Variants in RPS6KA2 observed in about 807,000 individuals in gnomAD.
RPS6KA2 encodes ribosomal protein S6 kinase A2.
RPS6KA2 carries 42 observed loss-of-function variants against 91.8 expected under a neutral mutation model. The observed-to-expected ratio is 0.46, with a 90% CI of 0.36 to 0.59. RPS6KA2 has a LOEUF of 0.59. Ranked by LOEUF, RPS6KA2 falls within the 20% of genes least tolerant of loss-of-function variation. The pLI is 0.00. For missense variants in RPS6KA2, 798 were observed against 978.5 expected (o/e 0.82, Z 2.46); for synonymous variants, 414 against 393.6 (o/e 1.05, Z -0.61).
chr6:166,673,780 G>A (rs527534897), intron 2 of RPS6KA2, among the ~76,000 whole-genome samples: 2 of 152,274 alleles, frequency 1.3e-5, no homozygotes, highest in African/African-American at 4.8e-5. Flanking sequence ...TTTTATGTGT[G>A]GCCCAGAGAA....
intron 1 of RPS6KA2, among the ~76,000 whole-genome samples, chr6:166,568,621 GAAAAAAAAAAAAAAAAAAAAAAAAA>G (rs60613942): frequency 2.4e-4 from 11 of 45,552 alleles, no homozygotes; most frequent in East Asian, 2.4e-3. Flanking sequence ...CTCCATCTCA[GAAAAAAAAAAAAAAAAAAAAAAAAA>G]AAAAAAAAAA....
Position 166,412,755 on chromosome 6 carries a change from C to T in RPS6KA2, c.*7G>A, listed in dbSNP as rs1253977717. ...GGCAGGGGACGCTGGGGCCAGGGTC[C>T]CACCCGCTACAGCCGCGTGGACGTG... On this transcript the variant is annotated 3_prime_UTR_variant, in exon 21 of 21. Coordinates refer to ENST00000265678, the MANE Select transcript of RPS6KA2 (RefSeq NM_021135.6). The surrounding 1 kb of genome is among the most constrained non-coding windows in gnomAD (Gnocchi z 4.3). 3 of 1,590,564 alleles carry T rather than the reference C, an allele frequency of 1.9e-6. No individual in the cohort carries two copies. The South Asian group carries it at 3.4e-5, about 18-fold the overall frequency.
chr6:166,631,176 A>C (rs1352424576), upstream of RPS6KA2, among the ~76,000 whole-genome samples: 2 of 152,252 alleles, frequency 1.3e-5, no homozygotes, highest in Admixed American at 6.5e-5. Context: ...AGAAAGTCTT[A>C]ATGCGTAAAA....
In RPS6KA2 at chr6:166,554,858, G is replaced by A. The variant is rs1022337474; in HGVS notation, c.100-16074C>T. The stretch of plus-strand genomic sequence containing the variant: ...GTCAGAAATACAGAGATTGCCCACC[G>A]CATGAAAAATGTCTCCAGTTTTACA... On this transcript the variant is annotated intron_variant, in intron 1 of 20. Transcript: ENST00000265678. This position sits in a 1 kb window ranked among gnomAD's most constrained non-coding sequence, Gnocchi z 4.3. Among the ~76,000 whole-genome samples, 2 of 152,138 alleles carry A rather than the reference G, an allele frequency of 1.3e-5. No individual in the cohort carries two copies. The highest frequency in any genetic ancestry group is 2.4e-5 in the African/African-American group (1 of 41,436).
rs1350880636 is a variant in RPS6KA2 at position 166,626,952 on chromosome 6, C to T, written c.68G>A (p.Arg23His). The change falls in exon 1 of 21, where the codon CGC (arginine) becomes CAC (histidine). Residue 23 changes from arginine (R) to histidine (H), a missense_variant. Physicochemically the swap from Arg to His is conservative, Grantham distance 29. Coordinates refer to ENST00000265678, the MANE Select transcript of RPS6KA2 (RefSeq NM_021135.6). This position sits in a 1 kb window ranked among gnomAD's most constrained non-coding sequence, Gnocchi z 4.1. The stretch of plus-strand genomic sequence containing the variant: ...CCGGCTCAGGCTGGAGCTCTTGGAG[C>T]GCGACTTCCTGCGCAGGTACACAGA... Reference protein sequence around the residue: ...FFSVYLRRKSRSKSSSLSRLE... With the variant: ...FFSVYLRRKSHSKSSSLSRLE... The T allele has an allele frequency of 1.8e-5, 28 of 1,562,476 alleles. No individual in the cohort carries two copies. Among genetic ancestry groups the T allele is most frequent in the Non-Finnish European group, 2.3e-5 (27 of 1,153,834 alleles).
chr6:166,802,240 A>G (rs554909028), intron 2 of RPS6KA2, among the ~76,000 whole-genome samples: 1 of 152,056 alleles, frequency 6.6e-6, no homozygotes, highest in South Asian at 2.1e-4. Context: ...ACTGCACTCC[A>G]GCCTGGGCAA....
chr6:166,590,869 G>C (rs1785333685), intron 1 of RPS6KA2, among the ~76,000 whole-genome samples: 1 of 152,060 alleles, frequency 6.6e-6, no homozygotes, highest in Non-Finnish European at 1.5e-5. Flanking sequence ...TCAAAGACAC[G>C]ACTTAGAGTA....
At chr6:166,697,497 G>A (rs742268) in intron 2 of RPS6KA2, among the ~76,000 whole-genome samples, 3 of 152,104 alleles carry the variant, frequency 2.0e-5, no homozygotes, top group African/African-American at 7.2e-5. Flanking sequence ...AGCCACTGTC[G>A]TAGACTTCTT....
At chr6:166,803,346 A>C (rs1166023585) in intron 2 of RPS6KA2, among the ~76,000 whole-genome samples, 1 of 152,224 alleles carries the variant, frequency 6.6e-6, no homozygotes, top group African/African-American at 2.4e-5. Context: ...TAAACCTTTC[A>C]CCAAAACAGG....
intron 2 of RPS6KA2, among the ~76,000 whole-genome samples, chr6:166,655,443 C>T (rs1408747458): frequency 3.3e-5 from 5 of 152,216 alleles, no homozygotes; most frequent in Admixed American, 1.3e-4. Context: ...GGTCAGGGAA[C>T]AAACAGAGCG....
intron 2 of RPS6KA2, among the ~76,000 whole-genome samples, chr6:166,841,212 C>T (rs1048042164): frequency 5.9e-5 from 9 of 151,532 alleles, no homozygotes; most frequent in African/African-American, 1.2e-4. Flanking sequence ...GAGATTACAC[C>T]GCTGCACTCC....
rs1779898511 is a variant in RPS6KA2, at chr6:166,451,116, T to C, written c.1193A>G (p.His398Arg). The C allele has an allele frequency of 6.2e-7, 1 of 1,613,868 alleles. No individual in the cohort carries two copies. The highest frequency in any genetic ancestry group is 8.5e-7 in the Non-Finnish European group (1 of 1,179,954). ...AAACACAGTTACCTGCACGATTGGG[T>C]GAACTGGGACTTTGTGCAGATCTTG... is the stretch of plus-strand genomic sequence containing the variant. ...SQQDLHKVPV[H>R]PIVQQLHGNN... The change falls in exon 13 of 21, where the codon CAC (histidine) becomes CGC (arginine). Residue 398 changes from histidine to arginine, a missense_variant. Transcript: ENST00000265678.
At chr6:166,487,563 G>T (rs1781453951) in intron 10 of RPS6KA2, among the ~76,000 whole-genome samples, 1 of 152,140 alleles carries the variant, frequency 6.6e-6, no homozygotes, top group African/African-American at 2.4e-5. Context: ...GAGGAGAACT[G>T]CCTCGGAAAT....
At chr6:166,705,425 C>T (rs998804299) in intron 2 of RPS6KA2, among the ~76,000 whole-genome samples, 8 of 152,316 alleles carry the variant, frequency 5.3e-5, no homozygotes, top group Middle Eastern at 3.4e-3. Context: ...CACCACCCTC[C>T]GCACAAACCC....
At chr6:166,454,539 A>C (rs1780028488) in intron 12 of RPS6KA2, among the ~76,000 whole-genome samples, 1 of 152,130 alleles carries the variant, frequency 6.6e-6, no homozygotes, top group Admixed American at 6.6e-5. Context: ...AAAAAATCCC[A>C]AAGTACTTAG....
chr6:166,675,188 A>G (rs1301448001), intron 2 of RPS6KA2, among the ~76,000 whole-genome samples: 1 of 152,200 alleles, frequency 6.6e-6, no homozygotes, highest in Non-Finnish European at 1.5e-5. Context: ...ACAGGGCCCA[A>G]GTCTTCTGCT....
intron 2 of RPS6KA2, among the ~76,000 whole-genome samples, chr6:166,763,840 C>A (rs522720): frequency 6.6e-6 from 1 of 151,982 alleles, no homozygotes; most frequent in African/African-American, 2.4e-5. Flanking sequence ...AGAGCTGTGC[C>A]TGTCCGTGTA....
rs1783365082 is a variant in RPS6KA2, at chr6:166,533,432, G to C, written c.217-2119C>G. 4.6e-5 allele frequency among the ~76,000 whole-genome samples: 7 copies of C among 152,232 alleles called. No homozygotes were observed. The highest frequency in any genetic ancestry group is 4.6e-4 in the Admixed American group (7 of 15,288). ...AGAGAGGAACCTGGGTCCCAAAAAA[G>C]TCGGAGGGGGTGTGGAACAAGGGAC... On this transcript the variant is annotated intron_variant, in intron 2 of 20. Coordinates refer to ENST00000265678, the MANE Select transcript of RPS6KA2 (RefSeq NM_021135.6). The surrounding 1 kb of genome is among the most constrained non-coding windows in gnomAD (Gnocchi z 4.0).
chr6:166,587,454 G>A (rs1785214911), intron 1 of RPS6KA2, among the ~76,000 whole-genome samples: 2 of 152,078 alleles, frequency 1.3e-5, no homozygotes, highest in African/African-American at 2.4e-5. Flanking sequence ...TAGAATGAGG[G>A]GGTCCTACCT....
Sources: gnomAD v4.1 joint callset for allele counts (sites outside exome capture counted in the v4.1 genomes callset) on GRCh38, gnomAD v4.1.1 for gene constraint, Gnocchi (gnomAD v3.1) non-coding constraint, MANE v1.5 for transcripts, NCBI Gene and HGNC (gene_info 2026-07-23, HGNC 2026-07-21) for gene names.